AHCYL1: variants seen among roughly 807,000 people sequenced by gnomAD.
AHCYL1 encodes adenosylhomocysteinase like 1.
AHCYL1 carries 20 observed loss-of-function variants against 79.3 expected under a neutral mutation model. The ratio of observed to expected loss-of-function variants is 0.25; its 90% CI spans 0.18 to 0.37. The LOEUF (loss-of-function observed/expected upper bound fraction) is 0.37, where lower values mean the gene tolerates loss of function less well. Among genes scored for constraint, AHCYL1 ranks in the 10% least tolerant of loss-of-function variants. The probability of loss-of-function intolerance (pLI) is 1.00; values close to 1 mark genes in which losing one functional copy is unlikely to be tolerated. For synonymous variants in AHCYL1, 223 were observed against 242.2 expected, an observed-to-expected ratio of 0.92 and a Z score of 0.74; for missense variants, 330 against 673.6, an observed-to-expected ratio of 0.49 and a Z score of 5.65.
intron 1 of AHCYL1, among the ~76,000 whole-genome samples, chr1:109,991,439 A>C (rs2101693527): frequency 6.6e-6 from 1 of 152,312 alleles, no homozygotes; most frequent in East Asian, 1.9e-4. Context: ...TACCAGCCCA[A>C]GCCAGTTCAC....
At chr1:110,018,298 A>C in intron 11 of AHCYL1, 75 bp from the exon 12 acceptor site, 1 of 1,424,136 alleles carries the variant, frequency 7.0e-7, no homozygotes, top group Non-Finnish European at 9.8e-7. Context: ...CTGGTCTCCT[A>C]TGTTCTACCT....
At chr1:110,019,767 A>G (rs1651672933) in intron 15 of AHCYL1, 141 bp downstream of exon 15, 2 of 704,836 alleles carry the variant, frequency 2.8e-6, no homozygotes, top group East Asian at 2.7e-5. Context: ...GACAAGTTCT[A>G]ATCTCTATGA....
intron 10 of AHCYL1, 137 bp downstream of exon 10, chr1:110,017,720 C>A: frequency 9.4e-7 from 1 of 1,063,462 alleles, no homozygotes; most frequent in Non-Finnish European, 1.4e-6. Flanking sequence ...GTTCTTCTCA[C>A]TCTAACCCTA....
intron 13 of AHCYL1, 82 bp downstream of exon 13, chr1:110,018,732 T>C: frequency 7.9e-7 from 1 of 1,263,594 alleles, no homozygotes. Context: ...GAAACAAATA[T>C]TAGGCCTATG....
chr1:109,991,652 G>A (rs969398164), intron 1 of AHCYL1, among the ~76,000 whole-genome samples: 4 of 152,176 alleles, frequency 2.6e-5, no homozygotes, highest in Non-Finnish European at 4.4e-5. Flanking sequence ...ACCTGCGAGT[G>A]TACGATGGCA....
intron 1 of AHCYL1, among the ~76,000 whole-genome samples, chr1:109,988,880 A>G (rs1177699477): frequency 6.6e-6 from 1 of 152,278 alleles, no homozygotes; most frequent in Non-Finnish European, 1.5e-5. Flanking sequence ...CAATGGGTAC[A>G]GCTTGGGTGT....
At position 109,997,597 on chromosome 1, in the gene AHCYL1, G is replaced by A. The variant is rs755093180; in HGVS notation, c.121-11437G>A. On this transcript the variant is annotated intron_variant, in intron 1 of 16. Coordinates refer to ENST00000369799, the MANE Select transcript of AHCYL1 (RefSeq NM_006621.7). ...GGTTTGCCTTAACATTTATACCAAC[G>A]TTAATATATCTCTGTTGCTGGAAAA... Among the ~76,000 whole-genome samples the A allele has an allele frequency of 3.9e-5, 6 of 152,156 alleles. No individual in the cohort carries two copies. In the South Asian group the frequency reaches 8.3e-4, roughly 21 times the overall value.
Position 109,985,043 on chromosome 1 carries a change from C to A in AHCYL1, c.-10C>A. 6.4e-7 allele frequency: 1 copy of A among 1,560,508 alleles called. No individual in the cohort carries two copies. Among genetic ancestry groups the A allele is most frequent in the Non-Finnish European group, 8.7e-7 (1 of 1,155,626 alleles). ...GCGGCGGGTCAGCCGCTGGCCGGGCCGGCCGGGGAATGTCGATGCCTGACG... is the reference window on the plus strand; with the variant it reads ...GCGGCGGGTCAGCCGCTGGCCGGGCAGGCCGGGGAATGTCGATGCCTGACG... On this transcript the variant is annotated 5_prime_UTR_variant, in exon 1 of 17. Transcript: ENST00000369799.
intron 1 of AHCYL1, among the ~76,000 whole-genome samples, chr1:109,989,718 G>A (rs1308572054): frequency 1.3e-5 from 2 of 152,182 alleles, no homozygotes; most frequent in Non-Finnish European, 2.9e-5. Flanking sequence ...ATACGTACCT[G>A]TTTCTCAAGT....
intron 16 of AHCYL1, among the ~76,000 whole-genome samples, chr1:110,021,378 C>G (rs1053615886): frequency 1.3e-5 from 2 of 152,152 alleles, no homozygotes; most frequent in Non-Finnish European, 1.5e-5. Flanking sequence ...TATATTTGGT[C>G]TGCGATGGGA....
Position 109,998,096 on chromosome 1 carries a change from T to A in AHCYL1, c.121-10938T>A, listed in dbSNP as rs1329545258. On this transcript the variant is annotated intron_variant, in intron 1 of 16. Transcript: ENST00000369799. ...ACTCACATAAAGACATTTCATTGTT[T>A]GCTCAGTGATGCATTAAAGCTGAGG... is the stretch of plus-strand genomic sequence containing the variant. Among the ~76,000 whole-genome samples the A allele has an allele frequency of 2.0e-5, 3 of 152,248 alleles. No homozygotes were observed. The East Asian group carries it at 5.8e-4, about 29-fold the overall frequency.
chr1:110,005,810 T>A (rs1453226257), intron 1 of AHCYL1, among the ~76,000 whole-genome samples: 1 of 152,174 alleles, frequency 6.6e-6, no homozygotes, highest in African/African-American at 2.4e-5. Flanking sequence ...CATACAATTT[T>A]TCTTCTCTTG....
At chr1:110,021,176 G>A (rs368537662) in intron 16 of AHCYL1, among the ~76,000 whole-genome samples, 2 of 152,182 alleles carry the variant, frequency 1.3e-5, no homozygotes, top group East Asian at 1.9e-4. Flanking sequence ...GGGAGGCGGA[G>A]GTTGCAGTGA....
chr1:110,019,499 C>G, intron 14 of AHCYL1, 49 bp from the exon 15 acceptor site: 1 of 1,508,628 alleles, frequency 6.6e-7, no homozygotes, highest in Non-Finnish European at 9.1e-7. Flanking sequence ...TTTTATGTGC[C>G]TGTCTAAGAA....
At chr1:110,011,096 G>T in intron 2 of AHCYL1, 118 bp from the exon 3 acceptor site, 1 of 1,262,866 alleles carries the variant, frequency 7.9e-7, no homozygotes, top group Non-Finnish European at 1.1e-6. Flanking sequence ...GTTGTAAAAG[G>T]TAGCTCCAAT....
At chr1:110,014,923 G>A in intron 6 of AHCYL1, 66 bp downstream of exon 6, 1 of 1,449,334 alleles carries the variant, frequency 6.9e-7, no homozygotes, top group Non-Finnish European at 9.7e-7. Context: ...CTCAAAGCAT[G>A]GTTCCCTAAA....
chr1:110,012,414 G>C lies in AHCYL1; in HGVS notation c.429G>C (p.Leu143Phe), dbSNP rs1450544437. 1 of 1,613,902 alleles carries C rather than the reference G, an allele frequency of 6.2e-7. No individual in the cohort carries two copies. Among genetic ancestry groups the C allele is most frequent in the South Asian group, 1.1e-5 (1 of 91,030 alleles). Residue 143 changes from leucine to phenylalanine, a missense_variant, in exon 4 of 17, where the codon TTG (leucine) becomes TTC (phenylalanine). Around this residue, in one of 6 missense-constraint regions of AHCYL1, gnomAD observed 97 missense variants for 176.3 expected, o/e 0.55. Coordinates refer to ENST00000369799, the MANE Select transcript of AHCYL1 (RefSeq NM_006621.7). ...AACGTGCTCAGGGGGAGAAGCCCTTGGCTGGTGCTAAAATAGTGGGCTGTA... is the reference window on the plus strand; with the variant it reads ...AACGTGCTCAGGGGGAGAAGCCCTTCGCTGGTGCTAAAATAGTGGGCTGTA... ...LRKRAQGEKPLAGAKIVGCTH... is the reference protein window; with the variant it reads ...LRKRAQGEKPFAGAKIVGCTH...
rs773803088 is a variant in AHCYL1 at position 110,011,233 on chromosome 1, C to T, written c.252C>T (p.Ser84=). Residue 84 remains serine, a synonymous_variant, in exon 3 of 17, where the codon AGC becomes AGT. Transcript: ENST00000369799. ...SYSSAASYTD[S]SDDEVSPREK... is the part of the protein sequence containing the mutation. Reference sequence around the variant, plus strand: ...CTCTAGCTGCATCCTACACAGATAGCTCTGATGATGAGGTTTCTCCCCGAG... The same window carrying T: ...CTCTAGCTGCATCCTACACAGATAGTTCTGATGATGAGGTTTCTCCCCGAG... 3.1e-6 allele frequency: 5 copies of T among 1,613,930 alleles called. No homozygotes were observed. Among genetic ancestry groups the T allele is most frequent in the Non-Finnish European group, 3.4e-6 (4 of 1,180,002 alleles).
At position 109,985,147 on chromosome 1, in the gene AHCYL1, C is replaced by A; in HGVS notation, c.95C>A (p.Ala32Asp). 1 of 1,610,184 alleles carries A rather than the reference C, an allele frequency of 6.2e-7. No homozygotes were observed. Among genetic ancestry groups the A allele is most frequent in the African/African-American group, 1.3e-5 (1 of 74,832 alleles). Residue 32 changes from alanine to aspartate, a missense_variant, in exon 1 of 17, where the codon GCC becomes GAC. Ala to Asp is a moderately radical substitution (Grantham distance 126). Transcript: ENST00000369799. ...GACGCCGAGAAGTACTCCTTCATGG[C>A]CACCGTCACCAAGGCGCCCAAGAAG... ...IEDAEKYSFM[A>D]TVTKAPKKQI...
Sources: allele counts gnomAD v4.1 joint callset (sites outside exome capture counted in the v4.1 genomes callset), GRCh38; gene constraint gnomAD v4.1.1; regional missense constraint gnomAD v4.1.1; transcripts MANE v1.5; gene names NCBI Gene and HGNC (gene_info 2026-07-23, HGNC 2026-07-21).